Variants in IRAG1 observed in about 807,000 individuals in gnomAD.
IRAG1 encodes the protein inositol 1,4,5-triphosphate receptor associated 1, also known as IP3R-associated cGMP kinase substrate.
A neutral mutation model predicts 106.2 loss-of-function variants in IRAG1; 62 were observed. The observed-to-expected ratio is 0.58, with a 90% confidence interval of 0.48 to 0.72. IRAG1 has a LOEUF of 0.72. Ranked by LOEUF, IRAG1 falls within the 30% of genes least tolerant of loss-of-function variation. IRAG1 has a pLI of 0.00. For missense variants in IRAG1, 1,064 were observed against 1,140.7 expected, an observed-to-expected ratio of 0.93 and a Z score of 0.97; for synonymous variants, 462 against 443.9, an observed-to-expected ratio of 1.04 and a Z score of -0.51.
chr11:10,664,159 C>T (rs1402998208), intron 1 of IRAG1, among the ~76,000 whole-genome samples: 1 of 152,202 alleles, frequency 6.6e-6, no homozygotes, highest in Non-Finnish European at 1.5e-5. Flanking sequence ...CGCAGCCCCT[C>T]TCCGAGGAAC....
intron 1 of IRAG1, among the ~76,000 whole-genome samples, chr11:10,669,782 A>T (rs577910366): frequency 2.6e-4 from 39 of 152,232 alleles, no homozygotes; most frequent in Admixed American, 5.2e-4. Context: ...TAAAATACTG[A>T]GCCTGCAGGA....
Position 10,628,153 on chromosome 11 carries a change from C to T in IRAG1, c.653-128G>A. The T allele has an allele frequency of 1.0e-6, 1 of 996,198 alleles. No individual in the cohort carries two copies. The highest frequency in any genetic ancestry group is 1.6e-6 in the Non-Finnish European group (1 of 640,542). 61.7% of individuals were successfully genotyped at this position (996,198 alleles called of 1,614,324 possible). ...CAGGCCTGGAAGATTTGCTGACTAC[C>T]TCCCGTGTGCCAGGTTCTCAGGTGG... On this transcript the variant is annotated intron_variant, in intron 6 of 20. Coordinates refer to ENST00000423302, the MANE Select transcript of IRAG1 (RefSeq NM_130385.4). This position sits in a 1 kb window ranked among gnomAD's most constrained non-coding sequence, Gnocchi z 4.1.
chr11:10,661,563 T>C (rs942264546), intron 1 of IRAG1, among the ~76,000 whole-genome samples: 3 of 152,212 alleles, frequency 2.0e-5, no homozygotes, highest in African/African-American at 4.8e-5. Context: ...TTTCCTGCCA[T>C]TTCCAGCTTT....
chr11:10,653,377 GT>G lies in IRAG1; in HGVS notation c.68-1196del, dbSNP rs1241002306. Among the ~76,000 whole-genome samples the G allele has an allele frequency of 8.5e-5, 13 of 152,284 alleles. No individual in the cohort carries two copies. In the East Asian group the frequency reaches 2.5e-3, roughly 29 times the overall value. ...TGGTGTTGAAATCACTTTGTGTTGG[GT>G]TTTTGTTCCTTGTAACTGAAAACAT... On this transcript the variant is annotated intron_variant, in intron 1 of 20. Coordinates refer to ENST00000423302, the MANE Select transcript of IRAG1 (RefSeq NM_130385.4).
intron 1 of IRAG1, among the ~76,000 whole-genome samples, chr11:10,674,522 G>A (rs1306086084): frequency 6.6e-6 from 1 of 152,136 alleles, no homozygotes; most frequent in Non-Finnish European, 1.5e-5. Context: ...ACTGGCTTTG[G>A]AAACAGAGAG....
At position 10,626,112 on chromosome 11, in the gene IRAG1, T is replaced by G. The variant is rs887040614; in HGVS notation, c.1222A>C (p.Lys408Gln). ...GPEEPGPRLQKVLAKLPLAEE... is the reference protein window; with the variant it reads ...GPEEPGPRLQQVLAKLPLAEE... Reference sequence around the variant, plus strand: ...GCCAGTGGCAGCTTGGCAAGCACTTTCTGCAGCCGGGGGCCAGGTTCTTCA... The same window carrying G: ...GCCAGTGGCAGCTTGGCAAGCACTTGCTGCAGCCGGGGGCCAGGTTCTTCA... Residue 408 changes from lysine to glutamine, a missense_variant, in exon 9 of 21, where the codon AAA becomes CAA. By Grantham distance (53) the Lys-to-Gln change is moderately conservative. Transcript: ENST00000423302. 2 of 1,546,478 alleles carry G rather than the reference T, an allele frequency of 1.3e-6. No homozygotes were observed. The highest frequency in any genetic ancestry group is 2.1e-5 in the Admixed American group (1 of 48,298).
chr11:10,576,244 T>C lies in IRAG1; in HGVS notation c.*88A>G. 1 of 1,550,302 alleles carries C rather than the reference T, an allele frequency of 6.5e-7. No individual in the cohort carries two copies. Among genetic ancestry groups the C allele is most frequent in the Non-Finnish European group, 8.8e-7 (1 of 1,138,048 alleles). ...TGACCTGATGGGATGGGCGGCAGTGTGTCCACACTTGGGCCTGACGTTATA... is the reference window on the plus strand; with the variant it reads ...TGACCTGATGGGATGGGCGGCAGTGCGTCCACACTTGGGCCTGACGTTATA... On this transcript the variant is annotated 3_prime_UTR_variant, in exon 21 of 21. Transcript: ENST00000423302.
chr11:10,673,969 G>A lies in IRAG1; in HGVS notation c.67+19567C>T, dbSNP rs764625659. Among the ~76,000 whole-genome samples the A allele has an allele frequency of 4.6e-5, 7 of 152,106 alleles. No homozygotes were observed. The South Asian group carries it at 6.2e-4, about 14-fold the overall frequency. ...AATAGAGATGAAGGGACAGGGACAC[G>A]GGCTCAGAGAGACAGACAGAGACAT... is the stretch of plus-strand genomic sequence containing the variant. On this transcript the variant is annotated intron_variant, in intron 1 of 20. Coordinates refer to ENST00000423302, the MANE Select transcript of IRAG1 (RefSeq NM_130385.4).
At chr11:10,579,641 G>A (rs1851192142) in intron 20 of IRAG1, among the ~76,000 whole-genome samples, 1 of 151,990 alleles carries the variant, frequency 6.6e-6, no homozygotes, top group African/African-American at 2.4e-5. Flanking sequence ...ATGGGTGCTA[G>A]TTTATCCTAT....
chr11:10,592,796 C>G (rs920664581), intron 17 of IRAG1, among the ~76,000 whole-genome samples: 3 of 152,128 alleles, frequency 2.0e-5, no homozygotes, highest in African/African-American at 7.2e-5. Flanking sequence ...TTACCATTGC[C>G]TAGAGATAAC....
chr11:10,625,903 A>C, intron 9 of IRAG1, 63 bp downstream of exon 9: 1 of 1,346,386 alleles, frequency 7.4e-7, no homozygotes, highest in Non-Finnish European at 9.6e-7. Context: ...CTCAGCCCTG[A>C]GGTCTTCAGC....
chr11:10,582,584 T>A (rs1431377080), intron 18 of IRAG1, among the ~76,000 whole-genome samples: 1 of 151,590 alleles, frequency 6.6e-6, no homozygotes, highest in Non-Finnish European at 1.5e-5. Flanking sequence ...GTGTTTAGAG[T>A]GAATAGTTAG....
Position 10,634,169 on chromosome 11 carries a change from G to C in IRAG1, c.226-98C>G, listed in dbSNP as rs1856956052. 4 of 629,128 alleles carry C rather than the reference G, an allele frequency of 6.4e-6. No homozygotes were observed. The South Asian group carries it at 9.7e-5, about 15-fold the overall frequency. The allele number at this position is 629,128 out of a possible 1,614,324, so 39.0% of individuals were successfully genotyped here. The stretch of plus-strand genomic sequence containing the variant: ...TTATTCTCACATCATGATGCTCAGA[G>C]CCATCTTGATAAGGGGACAAATGCA... On this transcript the variant is annotated intron_variant, in intron 2 of 20. Coordinates refer to ENST00000423302, the MANE Select transcript of IRAG1 (RefSeq NM_130385.4).
chr11:10,680,516 A>AAAGGAAGG (rs1554935774), intron 1 of IRAG1, among the ~76,000 whole-genome samples: 4 of 133,416 alleles, frequency 3.0e-5, no homozygotes, highest in Non-Finnish European at 6.2e-5. Context: ...AGGGAAAAAG[A>AAAGGAAGG]AAGGAAGAAA....
chr11:10,663,891 C>T (rs866023044), intron 1 of IRAG1, among the ~76,000 whole-genome samples: 2 of 152,100 alleles, frequency 1.3e-5, no homozygotes, highest in Admixed American at 1.3e-4. Flanking sequence ...GGAAATGGAG[C>T]CTTAGACAAG....
chr11:10,583,388 C>A (rs951122936), intron 18 of IRAG1, among the ~76,000 whole-genome samples: 1 of 151,940 alleles, frequency 6.6e-6, no homozygotes, highest in Non-Finnish European at 1.5e-5. Flanking sequence ...CAGGTGGAGT[C>A]TTGGGAGCCA....
At chr11:10,636,447 G>A (rs1173766960) in intron 2 of IRAG1, among the ~76,000 whole-genome samples, 1 of 152,174 alleles carries the variant, frequency 6.6e-6, no homozygotes, top group African/African-American at 2.4e-5. Context: ...AAGGTGCTGG[G>A]ATTAAAGGTG....
intron 1 of IRAG1, among the ~76,000 whole-genome samples, chr11:10,689,513 A>C (rs1861904525): frequency 6.6e-6 from 1 of 152,236 alleles, no homozygotes. Flanking sequence ...GCCACACCAC[A>C]CAAACCCACC....
Position 10,603,258 on chromosome 11 carries a change from A to T in IRAG1, c.1744-7T>A. 1 of 1,613,354 alleles carries T rather than the reference A, an allele frequency of 6.2e-7. No homozygotes were observed. Among genetic ancestry groups the T allele is most frequent in the Non-Finnish European group, 8.5e-7 (1 of 1,179,714 alleles). ...GCCAGAGTGAAGCTGAGGACTGAAC[A>T]GGAGTAGGAGCATCACCTGGGGTCC... On this transcript the variant is annotated splice_polypyrimidine_tract_variant and splice_region_variant and intron_variant, in intron 13 of 20. Coordinates refer to ENST00000423302, the MANE Select transcript of IRAG1 (RefSeq NM_130385.4).
Sources: allele counts gnomAD v4.1 joint callset (sites outside exome capture counted in the v4.1 genomes callset), GRCh38; gene constraint gnomAD v4.1.1; non-coding constraint Gnocchi (gnomAD v3.1); transcripts MANE v1.5; gene names NCBI Gene and HGNC (gene_info 2026-07-23, HGNC 2026-07-21).